ZRANB3: variants seen among roughly 807,000 people sequenced by gnomAD.
ZRANB3 encodes the protein DNA annealing helicase and endonuclease ZRANB3.
A neutral mutation model predicts 133.8 loss-of-function variants in ZRANB3; 125 were observed. The observed-to-expected ratio is 0.93, with a 90% confidence interval of 0.81 to 1.08. The LOEUF is 1.08. Among genes scored for constraint, ZRANB3 ranks in the 50% least tolerant of loss-of-function variants. The pLI, the probability that ZRANB3 is intolerant of heterozygous loss-of-function variation, is 0.00. For synonymous variants in ZRANB3, 387 were observed against 432.7 expected, an observed-to-expected ratio of 0.89 and a Z score of 1.31; for missense variants, 1,229 against 1,275.5, an observed-to-expected ratio of 0.96 and a Z score of 0.56.
Position 135,385,031 on chromosome 2 carries a change from A to T in ZRANB3, c.180+5771T>A, listed in dbSNP as rs551023921. Among the ~76,000 whole-genome samples, 29 of 152,254 alleles carry T rather than the reference A, an allele frequency of 1.9e-4. No individual in the cohort carries two copies. The South Asian group carries it at 5.4e-3, about 28-fold the overall frequency. On this transcript the variant is annotated intron_variant, in intron 3 of 20. Transcript: ENST00000264159. ...GGAGAAAGAAATAAAGGGTATTGAA[A>T]TAGGAAAAGAGGAAGTCAAATTGTC...
intron 11 of ZRANB3, among the ~76,000 whole-genome samples, chr2:135,266,968 A>G (rs549545982): frequency 2.0e-5 from 3 of 152,116 alleles, no homozygotes; most frequent in East Asian, 3.9e-4. Context: ...TCTGGAACCA[A>G]TGCCTCCCTC....
rs1687835618 is a variant in ZRANB3 at position 135,403,364 on chromosome 2, G to C, written c.162-12544C>G. On this transcript the variant is annotated intron_variant, in intron 2 of 20. Coordinates refer to ENST00000264159, the MANE Select transcript of ZRANB3 (RefSeq NM_032143.4). ...CAGAGCCTCGCTCATTGCTAGCACA[G>C]CAGTCTGAGATCCAACTGGAAGGCG... 3.3e-5 allele frequency among the ~76,000 whole-genome samples: 5 copies of C among 152,234 alleles called. No homozygotes were observed. In the South Asian group the frequency reaches 1.0e-3, roughly 32 times the overall value.
chr2:135,402,559 G>T (rs1219258024), intron 2 of ZRANB3, among the ~76,000 whole-genome samples: 1 of 151,366 alleles, frequency 6.6e-6, no homozygotes, highest in Admixed American at 6.6e-5. Flanking sequence ...CTCCCAATGT[G>T]CTGGGATTAC....
chr2:135,441,573 A>T (rs1416301029), intron 2 of ZRANB3, among the ~76,000 whole-genome samples: 2 of 151,914 alleles, frequency 1.3e-5, no homozygotes, highest in African/African-American at 4.8e-5. Flanking sequence ...TTTTCTCTTT[A>T]TTTAAAAAAG....
chr2:135,396,522 G>A (rs1019368635), intron 2 of ZRANB3, among the ~76,000 whole-genome samples: 76 of 152,156 alleles, frequency 5.0e-4, no homozygotes, highest in Non-Finnish European at 5.9e-5. Flanking sequence ...CAACATGGGT[G>A]GAACTAGAGG....
chr2:135,441,968 C>A (rs1033762153), intron 2 of ZRANB3, among the ~76,000 whole-genome samples: 11 of 152,038 alleles, frequency 7.2e-5, no homozygotes, highest in South Asian at 2.1e-4. Flanking sequence ...GAGGGACATT[C>A]AACAATGAGG....
intron 2 of ZRANB3, among the ~76,000 whole-genome samples, chr2:135,485,394 CA>C (rs1434325932): frequency 6.6e-6 from 1 of 152,146 alleles, no homozygotes; most frequent in African/African-American, 2.4e-5. Flanking sequence ...CATATTAAGG[CA>C]GGGGCATGTA....
At chr2:135,366,306 GT>G (rs796505442) in intron 3 of ZRANB3, among the ~76,000 whole-genome samples, 15 of 149,156 alleles carry the variant, frequency 1.0e-4, no homozygotes, top group African/African-American at 2.2e-4. Context: ...CTTTGTGAAA[GT>G]TTTTTTTTTA....
At chr2:135,498,481 G>C (rs1692782762) in intron 2 of ZRANB3, among the ~76,000 whole-genome samples, 1 of 152,148 alleles carries the variant, frequency 6.6e-6, no homozygotes, top group Admixed American at 6.5e-5. Context: ...CGTAAGCTGA[G>C]GATGAATGTC....
At position 135,453,049 on chromosome 2, in the gene ZRANB3, C is replaced by A. The variant is rs115142476; in HGVS notation, c.161+51280G>T. ...TGGGCATGCGGGTGTTTCCATACAG[C>A]TTCTGAAATCTAGGCAGGGATTCCC... On this transcript the variant is annotated intron_variant, in intron 2 of 20. Coordinates refer to ENST00000264159, the MANE Select transcript of ZRANB3 (RefSeq NM_032143.4). Among the ~76,000 whole-genome samples, 1,119 of 152,366 alleles carry A rather than the reference C, an allele frequency of 7.3e-3. 12 individuals carry two copies. The highest frequency in any genetic ancestry group is 0.026 in the African/African-American group (1,061 of 41,590).
chr2:135,230,992 G>C (rs536431102), intron 12 of ZRANB3, 65 bp from the exon 13 acceptor site: 13 of 1,419,374 alleles, frequency 9.2e-6, no homozygotes, highest in Non-Finnish European at 1.2e-5. Flanking sequence ...TTACATAAAA[G>C]AGCTTAACAA....
intron 10 of ZRANB3, among the ~76,000 whole-genome samples, chr2:135,269,367 A>G (rs1256784913): frequency 3.3e-5 from 5 of 152,178 alleles, no homozygotes; most frequent in Non-Finnish European, 4.4e-5. Context: ...TCAAAATTTC[A>G]AAAGTCAGCT....
intron 2 of ZRANB3, among the ~76,000 whole-genome samples, chr2:135,405,778 C>CA (rs532039055): frequency 8.2e-4 from 125 of 152,260 alleles, no homozygotes; most frequent in Admixed American, 7.8e-4. Flanking sequence ...CCAACGACAA[C>CA]AAAGACACAA....
At chr2:135,521,714 A>G (rs576062900) in intron 1 of ZRANB3, among the ~76,000 whole-genome samples, 8 of 152,250 alleles carry the variant, frequency 5.3e-5, no homozygotes, top group South Asian at 2.1e-4. Flanking sequence ...GGCACTACAC[A>G]TAAGAGGGAA....
chr2:135,212,701 A>C (rs902679615), intron 17 of ZRANB3, among the ~76,000 whole-genome samples: 1 of 152,164 alleles, frequency 6.6e-6, no homozygotes, highest in African/African-American at 2.4e-5. Flanking sequence ...GTAAATAGAG[A>C]AGGGAGAATG....
intron 3 of ZRANB3, among the ~76,000 whole-genome samples, chr2:135,364,423 G>C (rs1343494891): frequency 6.6e-6 from 1 of 152,138 alleles, no homozygotes; most frequent in Non-Finnish European, 1.5e-5. Context: ...TTTCTACCCT[G>C]CTATATAGTA....
chr2:135,290,712 T>C (rs1440138913), intron 8 of ZRANB3, among the ~76,000 whole-genome samples: 2 of 136,486 alleles, frequency 1.5e-5, no homozygotes, highest in Non-Finnish European at 3.1e-5. Flanking sequence ...ACAGGCCCTG[T>C]GAGATTTATG....
intron 1 of ZRANB3, among the ~76,000 whole-genome samples, chr2:135,524,540 T>G (rs16831785): frequency 0.055 from 8,408 of 152,290 alleles, 445 homozygotes; most frequent in African/African-American, 0.14. Flanking sequence ...ACTTGCATTT[T>G]GTTAAAATAT....
Position 135,236,547 on chromosome 2 carries a change from A to G in ZRANB3, c.1540-5620T>C, listed in dbSNP as rs866637938. Among the ~76,000 whole-genome samples the G allele has an allele frequency of 3.4e-3, 513 of 150,322 alleles. 3 individuals carry two copies. Among genetic ancestry groups the G allele is most frequent in the East Asian group, 0.011 (58 of 5,098 alleles). On this transcript the variant is annotated intron_variant, in intron 12 of 20. Coordinates refer to ENST00000264159, the MANE Select transcript of ZRANB3 (RefSeq NM_032143.4). ...TACCTGACTTCAAGCTATACTACAA[A>G]GCTACAGTAACCAAAACAGCATGGT...
Sources: allele counts gnomAD v4.1 joint callset (sites outside exome capture counted in the v4.1 genomes callset), GRCh38; gene constraint gnomAD v4.1.1; transcripts MANE v1.5; gene names NCBI Gene and HGNC (gene_info 2026-07-23, HGNC 2026-07-21).